Variants in MLKL observed in about 807,000 individuals in gnomAD.
MLKL encodes the protein mixed lineage kinase domain-like protein.
Under a neutral mutation model 56.5 loss-of-function variants are expected in MLKL, and 55 were observed. The ratio of observed to expected loss-of-function variants is 0.97; its 90% CI spans 0.78 to 1.22. The LOEUF (loss-of-function observed/expected upper bound fraction) is 1.22. MLKL is among the 50% of genes most tolerant of loss of function. The pLI, the probability that MLKL is intolerant of heterozygous loss-of-function variation, is 0.00. For missense variants in MLKL, 694 were observed against 573.9 expected (o/e 1.21, Z -2.14); for synonymous variants, 251 against 208.3 (o/e 1.20, Z -1.76).
At chr16:74,673,878 C>A (rs1959397444) in intron 10 of MLKL, among the ~76,000 whole-genome samples, 1 of 146,740 alleles carries the variant, frequency 6.8e-6, no homozygotes, top group Admixed American at 7.1e-5. Context: ...GAGTTTGAGG[C>A]TATAGAGTGC....
intron 10 of MLKL, among the ~76,000 whole-genome samples, chr16:74,672,908 C>A (rs1194435981): frequency 2.0e-5 from 3 of 152,294 alleles, no homozygotes; most frequent in East Asian, 3.9e-4. Context: ...TTCTCATCCA[C>A]CCCAAAGACC....
intron 10 of MLKL, among the ~76,000 whole-genome samples, chr16:74,673,952 T>TAAAA (rs5817923): frequency 3.7e-4 from 39 of 104,650 alleles, no homozygotes; most frequent in African/African-American, 7.0e-4. Context: ...ACCTCCTCTC[T>TAAAA]AAAAAAAAAA....
intron 1 of MLKL, among the ~76,000 whole-genome samples, chr16:74,698,434 G>A (rs1245081072): frequency 2.6e-5 from 4 of 152,148 alleles, no homozygotes; most frequent in African/African-American, 9.7e-5. Context: ...ATATAGTTGT[G>A]TTTTTGTTGC....
Position 74,672,065 on chromosome 16 carries a change from A to G in MLKL, c.*439T>C, listed in dbSNP as rs11861223. The G allele has an allele frequency of 9.7e-3, 1,516 of 156,428 alleles. 27 individuals carry two copies. The highest frequency in any genetic ancestry group is 0.034 in the African/African-American group (1,428 of 41,638). 9.7% of individuals were successfully genotyped at this position (156,428 alleles called of 1,614,324 possible). Reference sequence around the variant, plus strand: ...TCCAGCATGCTCACTCAACATGTTCATGGCTGGGTAAGGTTCCAACAGACA... The same window carrying G: ...TCCAGCATGCTCACTCAACATGTTCGTGGCTGGGTAAGGTTCCAACAGACA... On this transcript the variant is annotated 3_prime_UTR_variant, in exon 11 of 11. Coordinates refer to ENST00000308807, the MANE Select transcript of MLKL (RefSeq NM_152649.4).
At chr16:74,678,848 A>C in intron 7 of MLKL, 51 bp downstream of exon 7, 2 of 1,332,480 alleles carry the variant, frequency 1.5e-6, no homozygotes, top group Non-Finnish European at 2.2e-6. Flanking sequence ...CCCCTCTCAT[A>C]GCACCAGTCA....
At chr16:74,695,220 G>C in intron 2 of MLKL, 78 bp downstream of exon 2, 2 of 1,426,990 alleles carry the variant, frequency 1.4e-6, no homozygotes, top group Non-Finnish European at 1.9e-6. Context: ...CTTCATCATT[G>C]CTGCTCCTTT....
At chr16:74,691,557 G>A in intron 3 of MLKL, 94 bp from the exon 4 acceptor site, 2 of 1,352,418 alleles carry the variant, frequency 1.5e-6, no homozygotes, top group Non-Finnish European at 2.0e-6. Flanking sequence ...GTGTGAGTGG[G>A]AAGCTCTACT....
intron 1 of MLKL, among the ~76,000 whole-genome samples, chr16:74,699,077 T>G (rs1197191521): frequency 6.6e-6 from 1 of 151,804 alleles, no homozygotes; most frequent in African/African-American, 2.4e-5. Context: ...CACACCACTG[T>G]GCTCCAACCT....
rs191377054 is a variant in MLKL at position 74,700,083 on chromosome 16, A to G, written c.-3+370T>C. Among the ~76,000 whole-genome samples the G allele has an allele frequency of 6.5e-4, 99 of 152,318 alleles. 1 individual carries two copies. Among genetic ancestry groups the G allele is most frequent in the African/African-American group, 2.3e-3 (94 of 41,558 alleles). On this transcript the variant is annotated intron_variant, in intron 1 of 10. Coordinates refer to ENST00000308807, the MANE Select transcript of MLKL (RefSeq NM_152649.4). ...CTCTTCCCTCCAAAAAATAAAAAAT[A>G]AAAATAAAATAAAATAAGTAAAGGT... is the stretch of plus-strand genomic sequence containing the variant.
At chr16:74,681,947 G>A (rs1960000389) in intron 6 of MLKL, among the ~76,000 whole-genome samples, 2 of 152,006 alleles carry the variant, frequency 1.3e-5, no homozygotes, top group Admixed American at 6.6e-5. Flanking sequence ...AAAAATAAAT[G>A]TTTATCCAAA....
chr16:74,683,326 T>C (rs1960108452), intron 5 of MLKL, among the ~76,000 whole-genome samples: 1 of 149,222 alleles, frequency 6.7e-6, no homozygotes, highest in African/African-American at 2.5e-5. Flanking sequence ...CCAGGTGTGG[T>C]GACTCACGCC....
In MLKL at chr16:74,675,396, A is replaced by G; in HGVS notation, c.1199T>C (p.Ile400Thr). 6.2e-7 allele frequency: 1 copy of G among 1,613,966 alleles called. No homozygotes were observed. Among genetic ancestry groups the G allele is most frequent in the South Asian group, 1.1e-5 (1 of 91,084 alleles). The change falls in exon 9 of 11, where the codon ATC becomes ACC. Residue 400 changes from isoleucine (I) to threonine (T), a missense_variant. Physicochemically the swap from Ile to Thr is moderately conservative, Grantham distance 89 (BLOSUM62 -1). Transcript: ENST00000308807. ...DVKSEIYSFG[I>T]VLWEIATGDI... Reference sequence around the variant, plus strand: ...TCCAGTGGCGATTTCCCAGAGGACGATTCCAAAGCTAAAAGAAAACCAAGA... The same window carrying G: ...TCCAGTGGCGATTTCCCAGAGGACGGTTCCAAAGCTAAAAGAAAACCAAGA...
intron 2 of MLKL, among the ~76,000 whole-genome samples, chr16:74,693,466 A>G (rs1050516944): frequency 1.0e-4 from 10 of 96,392 alleles, no homozygotes; most frequent in East Asian, 9.9e-4. Context: ...AAAAAAAAAA[A>G]AAGAAAAGAA....
In MLKL at chr16:74,695,305, T is replaced by C; in HGVS notation, c.453A>G (p.Leu151=). The change falls in exon 2 of 11, where the codon CTA becomes CTG. Residue 151 remains leucine, a synonymous_variant. Transcript: ENST00000308807. ...ACCAAAGACCCAGCTTGCCTCTTCT[T>C]AGCATCTGGAAAGCTCGCCTGTCTT... ...ADEDRRAFQM[L]RRDNEKIEAS... is the part of the protein sequence containing the mutation. 6.2e-7 allele frequency: 1 copy of C among 1,613,240 alleles called. No homozygotes were observed. Among genetic ancestry groups the C allele is most frequent in the Non-Finnish European group, 8.5e-7 (1 of 1,179,490 alleles).
chr16:74,689,362 C>G (rs559385962), intron 4 of MLKL, among the ~76,000 whole-genome samples: 6 of 152,098 alleles, frequency 3.9e-5, no homozygotes, highest in Non-Finnish European at 8.8e-5. Context: ...GTGATCTGCC[C>G]TCCTTGGCCT....
chr16:74,672,249 G>C lies in MLKL; in HGVS notation c.*255C>G, dbSNP rs1959272300. The C allele has an allele frequency of 5.0e-6, 2 of 396,274 alleles. No individual in the cohort carries two copies. Among genetic ancestry groups the C allele is most frequent in the East Asian group, 8.1e-5 (2 of 24,790 alleles). 24.5% of individuals were successfully genotyped at this position (396,274 alleles called of 1,614,324 possible). On this transcript the variant is annotated 3_prime_UTR_variant, in exon 11 of 11. Transcript: ENST00000308807. ...GGAGCTGCAAATTTCATTGCCAAGA[G>C]GTGTGGATACCCAGAAAGATACATT...
chr16:74,695,727 C>T lies in MLKL; in HGVS notation c.31G>A (p.Gly11Ser). The T allele has an allele frequency of 6.2e-7, 1 of 1,606,702 alleles. No individual in the cohort carries two copies. The highest frequency in any genetic ancestry group is 8.5e-7 in the Non-Finnish European group (1 of 1,176,640). MENLKHIITL[G>S]QVIHKRCEEM... Reference sequence around the variant, plus strand: ...TCACACCGTTTGTGGATGACCTGGCCAAGGGTGATAATATGCTTCAAATTT... The same window carrying T: ...TCACACCGTTTGTGGATGACCTGGCTAAGGGTGATAATATGCTTCAAATTT... Residue 11 changes from glycine (G) to serine (S), a missense_variant, in exon 2 of 11, where the codon GGC (glycine) becomes AGC (serine). Gly to Ser is a moderately conservative substitution (Grantham distance 56). Coordinates refer to ENST00000308807, the MANE Select transcript of MLKL (RefSeq NM_152649.4).
intron 4 of MLKL, 136 bp from the exon 5 acceptor site, chr16:74,685,719 C>A: frequency 1.5e-6 from 1 of 672,902 alleles, no homozygotes; most frequent in Non-Finnish European, 2.6e-6. Flanking sequence ...AGGATGAACT[C>A]AGCTACTGAT....
At chr16:74,679,156 A>G (rs6564159) in intron 6 of MLKL, among the ~76,000 whole-genome samples, 176 bp from the exon 7 acceptor site, 94,782 of 151,990 alleles carry the variant, frequency 0.62, 29,652 homozygotes, top group East Asian at 0.74. Flanking sequence ...TGAGTATAGA[A>G]CAGAGATGAG....
Sources: gnomAD v4.1 joint callset for allele counts (sites outside exome capture counted in the v4.1 genomes callset) on GRCh38, gnomAD v4.1.1 for gene constraint, MANE v1.5 for transcripts, NCBI Gene and HGNC (gene_info 2026-07-23, HGNC 2026-07-21) for gene names.